TLL1: variants seen among roughly 807,000 people sequenced by gnomAD.
The protein encoded by TLL1 is tolloid like 1.
Under a neutral mutation model 128.2 loss-of-function variants are expected in TLL1, and 49 were observed. The ratio of observed to expected loss-of-function variants is 0.38; its 90% CI spans 0.30 to 0.48. The LOEUF (loss-of-function observed/expected upper bound fraction) is 0.48, where lower values mean the gene tolerates loss of function less well. Among genes scored for constraint, TLL1 ranks in the 20% least tolerant of loss-of-function variants. The probability of loss-of-function intolerance (pLI) is 0.96; values close to 1 mark genes in which losing one functional copy is unlikely to be tolerated. For missense variants in TLL1, 1,123 were observed against 1,242.0 expected (o/e 0.90, Z 1.44); for synonymous variants, 454 against 418.8 (o/e 1.08, Z -1.03).
chr4:165,938,561 A>G (rs1042492383), intron 1 of TLL1, among the ~76,000 whole-genome samples: 1 of 152,076 alleles, frequency 6.6e-6, no homozygotes, highest in Admixed American at 6.6e-5. Flanking sequence ...AATTATTTTT[A>G]TCTTTATTTG....
At chr4:165,875,249 A>G (rs1293767494) in intron 1 of TLL1, among the ~76,000 whole-genome samples, 1 of 152,156 alleles carries the variant, frequency 6.6e-6, no homozygotes, top group African/African-American at 2.4e-5. Context: ...CTTCCCTTCC[A>G]TAACTAGATA....
intron 1 of TLL1, among the ~76,000 whole-genome samples, chr4:165,921,777 C>T (rs1232302040): frequency 6.6e-6 from 1 of 152,148 alleles, no homozygotes; most frequent in Non-Finnish European, 1.5e-5. Context: ...TCAGCTGAGA[C>T]TGTTCTGTGG....
At position 166,055,107 on chromosome 4, in the gene TLL1, AC is replaced by A; in HGVS notation, c.1558del (p.Leu520TrpfsTer13). 1 of 1,612,494 alleles carries A rather than the reference AC, an allele frequency of 6.2e-7. No homozygotes were observed. Among genetic ancestry groups the A allele is most frequent in the Non-Finnish European group, 8.5e-7 (1 of 1,179,486 alleles). On this transcript the variant is annotated frameshift_variant, in exon 13 of 21. Coordinates refer to ENST00000061240, the MANE Select transcript of TLL1 (RefSeq NM_012464.5). LOFTEE classifies it high-confidence loss of function. ...AGACATGACAATTGTGCTTATGACT[AC>A]CTGGAAGTTAGAGATGGAACCAGTG... ...IERHDNCAYDYLEVRDGTSEN... is the reference protein window; with the variant it reads ...IERHDNCAYDXLEVRDGTSEN...
At chr4:166,079,652 C>G (rs1741198703) in intron 18 of TLL1, among the ~76,000 whole-genome samples, 1 of 151,752 alleles carries the variant, frequency 6.6e-6, no homozygotes, top group Non-Finnish European at 1.5e-5. Flanking sequence ...GGTATTTTTC[C>G]TTCTCAGAAT....
chr4:166,064,539 G>A (rs574167709), intron 15 of TLL1, among the ~76,000 whole-genome samples: 79 of 152,172 alleles, frequency 5.2e-4, no homozygotes, highest in African/African-American at 1.6e-3. Flanking sequence ...ATGTTACTGT[G>A]TAGAAAGCTG....
At chr4:165,970,450 G>C (rs1211082333) in intron 1 of TLL1, among the ~76,000 whole-genome samples, 2 of 152,074 alleles carry the variant, frequency 1.3e-5, no homozygotes, top group Admixed American at 1.3e-4. Context: ...AACTCTATTT[G>C]AGAATGTTAA....
At chr4:165,940,094 T>C (rs138149104) in intron 1 of TLL1, among the ~76,000 whole-genome samples, 125 of 152,194 alleles carry the variant, frequency 8.2e-4, no homozygotes, top group African/African-American at 2.8e-3. Flanking sequence ...TGATCACTTT[T>C]ACTATCACAT....
At chr4:165,889,101 A>T (rs1731284032) in intron 1 of TLL1, among the ~76,000 whole-genome samples, 1 of 152,222 alleles carries the variant, frequency 6.6e-6, no homozygotes, top group Non-Finnish European at 1.5e-5. Context: ...GTTATGCAGG[A>T]AGCTCAGCGC....
intron 19 of TLL1, among the ~76,000 whole-genome samples, chr4:166,093,155 T>C (rs1412815535): frequency 6.6e-6 from 1 of 152,134 alleles, no homozygotes; most frequent in Non-Finnish European, 1.5e-5. Flanking sequence ...AGACAAAGTA[T>C]AGAGAAATAA....
At chr4:166,100,487 T>G (rs2111169338) in intron 20 of TLL1, among the ~76,000 whole-genome samples, 1 of 152,180 alleles carries the variant, frequency 6.6e-6, no homozygotes, top group South Asian at 2.1e-4. Flanking sequence ...TGCCCAGAAC[T>G]TAGAAAATGT....
At chr4:165,887,270 G>A (rs1731201866) in intron 1 of TLL1, among the ~76,000 whole-genome samples, 1 of 151,892 alleles carries the variant, frequency 6.6e-6, no homozygotes, top group Non-Finnish European at 1.5e-5. Flanking sequence ...TGAGAAAGTG[G>A]GAGGAGGGAG....
At chr4:165,878,506 G>A (rs905131422) in intron 1 of TLL1, among the ~76,000 whole-genome samples, 7 of 152,038 alleles carry the variant, frequency 4.6e-5, no homozygotes, top group African/African-American at 1.7e-4. Context: ...GTTAGTCCTT[G>A]TCTTGAGGGC....
chr4:166,024,874 A>G (rs1467842197), intron 8 of TLL1, among the ~76,000 whole-genome samples: 1 of 152,130 alleles, frequency 6.6e-6, no homozygotes, highest in African/African-American at 2.4e-5. Context: ...ATTAGCTATT[A>G]TGTAACATTT....
intron 9 of TLL1, among the ~76,000 whole-genome samples, chr4:166,031,866 A>G (rs1049287340): frequency 4.6e-5 from 7 of 152,124 alleles, no homozygotes; most frequent in Admixed American, 3.3e-4. Flanking sequence ...CAATAAATAG[A>G]AAAAACCTAG....
intron 1 of TLL1, among the ~76,000 whole-genome samples, chr4:165,975,114 C>T (rs1735814732): frequency 6.6e-6 from 1 of 152,146 alleles, no homozygotes; most frequent in South Asian, 2.1e-4. Flanking sequence ...CCTTCTAGAC[C>T]AGTCATTAGA....
At chr4:165,988,855 AT>A (rs1736506030) in intron 1 of TLL1, among the ~76,000 whole-genome samples, 2 of 152,250 alleles carry the variant, frequency 1.3e-5, no homozygotes, top group South Asian at 2.1e-4. Context: ...GATAAAGTGT[AT>A]TATAAATTGT....
chr4:166,084,566 C>T (rs1023648502), intron 18 of TLL1, among the ~76,000 whole-genome samples: 69 of 152,122 alleles, frequency 4.5e-4, no homozygotes, highest in African/African-American at 1.6e-3. Flanking sequence ...TTCAATATGG[C>T]GTGACATATG....
chr4:166,003,242 A>G, intron 5 of TLL1, 149 bp from the exon 6 acceptor site: 1 of 748,942 alleles, frequency 1.3e-6, no homozygotes, highest in Non-Finnish European at 2.3e-6. Flanking sequence ...GATACCAGAA[A>G]CTAGTCATAT....
Position 165,995,168 on chromosome 4 carries a change from A to T in TLL1, c.622A>T (p.Arg208Trp), listed in dbSNP as rs1187209513. The T allele has an allele frequency of 6.2e-7, 1 of 1,612,194 alleles. No homozygotes were observed. The highest frequency in any genetic ancestry group is 1.1e-5 in the South Asian group (1 of 91,026). The change falls in exon 5 of 21, where the codon AGG becomes TGG. Residue 208 changes from arginine (R) to tryptophan (W), a missense_variant. Around this residue, in one of 3 missense-constraint regions of TLL1, gnomAD observed 480 missense variants for 542.4 expected, o/e 0.89. Coordinates refer to ENST00000061240, the MANE Select transcript of TLL1 (RefSeq NM_012464.5). ...DEESYIVFTY[R>W]PCGCCSYVGR... ...AGAGAGTTACATTGTATTCACCTAT[A>T]GGCCTTGTGGGTAAGTAGAACTAGG...
Sources: gnomAD v4.1 joint callset for allele counts (sites outside exome capture counted in the v4.1 genomes callset) on GRCh38, gnomAD v4.1.1 for gene constraint, gnomAD v4.1.1 regional missense constraint, MANE v1.5 for transcripts, NCBI Gene and HGNC (gene_info 2026-07-23, HGNC 2026-07-21) for gene names.